ARSI: variants seen among roughly 807,000 people sequenced by gnomAD.
The protein encoded by ARSI is arylsulfatase I.
Under a neutral mutation model 42.1 loss-of-function variants are expected in ARSI, and 37 were observed. That is an observed-to-expected ratio of 0.88 (90% CI 0.68 to 1.16). The LOEUF is 1.16. Among genes scored for constraint, ARSI ranks in the 50% most tolerant of loss-of-function variants. The pLI, the probability that ARSI is intolerant of heterozygous loss-of-function variation, is 0.00. For missense variants in ARSI, 725 were observed against 790.1 expected, an observed-to-expected ratio of 0.92 and a Z score of 0.99; for synonymous variants, 305 against 320.3, an observed-to-expected ratio of 0.95 and a Z score of 0.51.
intron 1 of ARSI, among the ~76,000 whole-genome samples, chr5:150,301,291 G>A (rs1757915201): frequency 1.3e-5 from 2 of 152,164 alleles, no homozygotes; most frequent in Non-Finnish European, 2.9e-5. Context: ...TTTCTCCTAA[G>A]TGGCCAGAGT....
In ARSI at chr5:150,297,475, A is replaced by G. The variant is rs750973898; in HGVS notation, c.1449T>C (p.Asp483=). ...GGCGAGCCAGCAGGGTGCGGACCACATCAGGCCGCTGGCCAGCCAGGTCCT... is the reference window on the plus strand; with the variant it reads ...GGCGAGCCAGCAGGGTGCGGACCACGTCAGGCCGCTGGCCAGCCAGGTCCT... The part of the protein sequence containing the change: ...EREDLAGQRP[D]VVRTLLARLA... The change falls in exon 2 of 2, where the codon GAT becomes GAC. Residue 483 remains aspartate (D), a synonymous_variant. Coordinates refer to ENST00000328668, the MANE Select transcript of ARSI (RefSeq NM_001012301.4). The surrounding 1 kb of genome is among the most constrained non-coding windows in gnomAD (Gnocchi z 7.0). 6.2e-7 allele frequency: 1 copy of G among 1,613,570 alleles called. No individual in the cohort carries two copies. Among genetic ancestry groups the G allele is most frequent in the South Asian group, 1.1e-5 (1 of 90,974 alleles).
chr5:150,301,573 C>T (rs1757920005), intron 1 of ARSI, among the ~76,000 whole-genome samples: 1 of 152,188 alleles, frequency 6.6e-6, no homozygotes, highest in South Asian at 2.1e-4. Context: ...AGTATGGGGA[C>T]CTGAATCCCT....
rs1562225606 is a variant in ARSI at position 150,298,625 on chromosome 5, A to AG, written c.312-14dup. ...GTGGATCTGGTACCTGGTGGGGAGG[A>AG]GGGGAAGGCACAGAAGGCACAGGTA... On this transcript the variant is annotated splice_polypyrimidine_tract_variant and intron_variant, in intron 1 of 1. Coordinates refer to ENST00000328668, the MANE Select transcript of ARSI (RefSeq NM_001012301.4). The AG allele has an allele frequency of 6.3e-7, 1 of 1,588,224 alleles. No homozygotes were observed. Among genetic ancestry groups the AG allele is most frequent in the Non-Finnish European group, 8.6e-7 (1 of 1,165,858 alleles).
rs561190958 is a variant in ARSI, at chr5:150,300,740, G to C, written c.311+1323C>G. Among the ~76,000 whole-genome samples the C allele has an allele frequency of 3.3e-5, 5 of 152,338 alleles. No individual in the cohort carries two copies. In the South Asian group the frequency reaches 1.0e-3, roughly 32 times the overall value. ...CTTCAGTTAGCTTCGCAGATCAGGG[G>C]ACTGGAGCACTGCCCTCCTGCTGTC... On this transcript the variant is annotated intron_variant, in intron 1 of 1. Coordinates refer to ENST00000328668, the MANE Select transcript of ARSI (RefSeq NM_001012301.4).
chr5:150,297,626 T>C lies in ARSI; in HGVS notation c.1298A>G (p.Tyr433Cys), dbSNP rs1273336712. The C allele has an allele frequency of 3.7e-6, 6 of 1,611,810 alleles. No individual in the cohort carries two copies. Among genetic ancestry groups the C allele is most frequent in the South Asian group, 2.2e-5 (2 of 90,870 alleles). Residue 433 changes from tyrosine (Y) to cysteine (C), a missense_variant, in exon 2 of 2, where the codon TAT (tyrosine) becomes TGT (cysteine). Physicochemically the swap from Tyr to Cys is radical, Grantham distance 194 (BLOSUM62 -2). Coordinates refer to ENST00000328668, the MANE Select transcript of ARSI (RefSeq NM_001012301.4). This position sits in a 1 kb window ranked among gnomAD's most constrained non-coding sequence, Gnocchi z 7.0. ...EWKLLTGDPG[Y>C]GDWIPPQTLA... The stretch of plus-strand genomic sequence containing the variant: ...TGTCTGCGGTGGGATCCAATCGCCA[T>C]AGCCGGGGTCTCCTGTCAGCAGCTT...
Position 150,297,665 on chromosome 5 carries a change from C to T in ARSI, c.1259G>A (p.Arg420His), listed in dbSNP as rs147847092. 21 of 1,613,234 alleles carry T rather than the reference C, an allele frequency of 1.3e-5. No homozygotes were observed. In the African/African-American group the frequency reaches 1.6e-4, roughly 12 times the overall value. Reference protein sequence around the residue: ...IWNTAVQAAIRVGEWKLLTGD... With the variant: ...IWNTAVQAAIHVGEWKLLTGD... ...TGTCAGCAGCTTCCACTCACCCACGCGGATGGCAGCCTGCACGGCGGTGTT... is the reference window on the plus strand; with the variant it reads ...TGTCAGCAGCTTCCACTCACCCACGTGGATGGCAGCCTGCACGGCGGTGTT... Residue 420 changes from arginine to histidine, a missense_variant, in exon 2 of 2, where the codon CGC becomes CAC. Physicochemically the swap from Arg to His is conservative, Grantham distance 29 (BLOSUM62 0). Transcript: ENST00000328668. The surrounding 1 kb of genome is among the most constrained non-coding windows in gnomAD (Gnocchi z 7.0).
chr5:150,302,025 T>G lies in ARSI; in HGVS notation c.311+38A>C. 6.6e-7 allele frequency: 1 copy of G among 1,520,648 alleles called. No individual in the cohort carries two copies. The allele number at this position is 1,520,648 out of a possible 1,614,324, so 94.2% of individuals were successfully genotyped here. ...ATCTATCAACTGGGTTGATTTGGGG[T>G]TTAGATGCCCAGCCCCGGGGCCTTG... On this transcript the variant is annotated intron_variant, in intron 1 of 1. Transcript: ENST00000328668. The surrounding 1 kb of genome is among the most constrained non-coding windows in gnomAD (Gnocchi z 6.1).
rs1304108301 is a variant in ARSI at position 150,296,417 on chromosome 5, G to C, written c.*797C>G. ...GGCCAGTCTTCCAGAGCCTCATGAA[G>C]GAGGCAGAGCCAGGGCTGGCATCCC... is the stretch of plus-strand genomic sequence containing the variant. On this transcript the variant is annotated 3_prime_UTR_variant, in exon 2 of 2. Transcript: ENST00000328668. 6.6e-6 allele frequency: 1 copy of C among 152,348 alleles called. No individual in the cohort carries two copies. The highest frequency in any genetic ancestry group is 2.4e-5 in the African/African-American group (1 of 41,468). The allele number at this position is 152,348 out of a possible 1,614,324, so 9.4% of individuals were successfully genotyped here. A position where few individuals can be genotyped will look rare whatever the true frequency, so the allele number is the denominator to read the frequency against.
rs1381401913 is a variant in ARSI at position 150,297,943 on chromosome 5, G to A, written c.981C>T (p.Gly327=). ...TYWEGGVRGL[G]FVHSPLLKRK... ...GCTTGAGCAGGGGACTGTGGACAAAGCCTAGGCCCCGCACGCCACCTTCCC... is the reference window on the plus strand; with the variant it reads ...GCTTGAGCAGGGGACTGTGGACAAAACCTAGGCCCCGCACGCCACCTTCCC... The change falls in exon 2 of 2, where the codon GGC becomes GGT. Residue 327 remains glycine (G), a synonymous_variant. Transcript: ENST00000328668. The surrounding 1 kb of genome is among the most constrained non-coding windows in gnomAD (Gnocchi z 7.0). The A allele has an allele frequency of 1.2e-5, 20 of 1,610,932 alleles. No individual in the cohort carries two copies. Among genetic ancestry groups the A allele is most frequent in the Non-Finnish European group, 1.6e-5 (19 of 1,178,520 alleles).
chr5:150,302,036 A>G lies in ARSI; in HGVS notation c.311+27T>C. On this transcript the variant is annotated intron_variant, in intron 1 of 1. Coordinates refer to ENST00000328668, the MANE Select transcript of ARSI (RefSeq NM_001012301.4). The surrounding 1 kb of genome is among the most constrained non-coding windows in gnomAD (Gnocchi z 6.1). ...GGGTTGATTTGGGGTTTAGATGCCC[A>G]GCCCCGGGGCCTTGAGCCACGCCTA... The G allele has an allele frequency of 1.3e-6, 2 of 1,539,274 alleles. No individual in the cohort carries two copies. Among genetic ancestry groups the G allele is most frequent in the Non-Finnish European group, 1.8e-6 (2 of 1,140,052 alleles).
chr5:150,297,756 G>A lies in ARSI; in HGVS notation c.1168C>T (p.His390Tyr). ...TGGTTGTAGAGTGGGTCAATGTTGT[G>A]CAGGATCTCCGTGCGTGGTGAGGCC... Reference protein sequence around the residue: ...GRASPRTEILHNIDPLYNHAQ... With the variant: ...GRASPRTEILYNIDPLYNHAQ... Residue 390 changes from histidine (H) to tyrosine (Y), a missense_variant, in exon 2 of 2, where the codon CAC (histidine) becomes TAC (tyrosine). Physicochemically the swap from His to Tyr is moderately conservative, Grantham distance 83. Coordinates refer to ENST00000328668, the MANE Select transcript of ARSI (RefSeq NM_001012301.4). The surrounding 1 kb of genome is among the most constrained non-coding windows in gnomAD (Gnocchi z 7.0). 6.2e-7 allele frequency: 1 copy of A among 1,610,676 alleles called. No homozygotes were observed. The highest frequency in any genetic ancestry group is 8.5e-7 in the Non-Finnish European group (1 of 1,178,370).
chr5:150,302,467 G>T lies in ARSI; in HGVS notation c.-94C>A. The T allele has an allele frequency of 1.0e-6, 1 of 970,412 alleles. No individual in the cohort carries two copies. Among genetic ancestry groups the T allele is most frequent in the Non-Finnish European group, 1.4e-6 (1 of 719,356 alleles). The allele number at this position is 970,412 out of a possible 1,614,324, so 60.1% of individuals were successfully genotyped here. A position where few individuals can be genotyped will look rare whatever the true frequency, so the allele number is the denominator to read the frequency against. On this transcript the variant is annotated 5_prime_UTR_variant, in exon 1 of 2. Coordinates refer to ENST00000328668, the MANE Select transcript of ARSI (RefSeq NM_001012301.4). This position sits in a 1 kb window ranked among gnomAD's most constrained non-coding sequence, Gnocchi z 6.1. ...GCACCACCGGCCCGCCGGCTCGGAT[G>T]CTGCGAGGGAGTTCAGCGCCCCCCG... is the stretch of plus-strand genomic sequence containing the variant.
rs768133764 is a variant in ARSI at position 150,297,571 on chromosome 5, G to A, written c.1353C>T (p.Asn451=). Reference sequence around the variant, plus strand: ...GGCGGACACTGGCCATTCGTTCCAGGTTCCACCAGCTACCCGGGAAGGTGG... The same window carrying A: ...GGCGGACACTGGCCATTCGTTCCAGATTCCACCAGCTACCCGGGAAGGTGG... The part of the protein sequence containing the change: ...TLATFPGSWW[N]LERMASVRQA... Residue 451 remains asparagine (N), a synonymous_variant, in exon 2 of 2, where the codon AAC becomes AAT. Coordinates refer to ENST00000328668, the MANE Select transcript of ARSI (RefSeq NM_001012301.4). This position sits in a 1 kb window ranked among gnomAD's most constrained non-coding sequence, Gnocchi z 7.0. 72 of 1,611,294 alleles carry A rather than the reference G, an allele frequency of 4.5e-5. No individual in the cohort carries two copies. The highest frequency in any genetic ancestry group is 4.8e-5 in the Non-Finnish European group (57 of 1,179,070).
rs747192346 is a variant in ARSI, at chr5:150,302,282, C to A, written c.92G>T (p.Gly31Val). 10 of 1,605,608 alleles carry A rather than the reference C, an allele frequency of 6.2e-6. No individual in the cohort carries two copies. Among genetic ancestry groups the A allele is most frequent in the Non-Finnish European group, 8.5e-6 (10 of 1,177,068 alleles). Residue 31 changes from glycine (G) to valine (V), a missense_variant, in exon 1 of 2, where the codon GGG becomes GTG. Physicochemically the swap from Gly to Val is moderately radical, Grantham distance 109. Coordinates refer to ENST00000328668, the MANE Select transcript of ARSI (RefSeq NM_001012301.4). The surrounding 1 kb of genome is among the most constrained non-coding windows in gnomAD (Gnocchi z 6.1). Reference protein sequence around the residue: ...DWAKPSFVADGPGEAGEQPSA... With the variant: ...DWAKPSFVADVPGEAGEQPSA... Reference sequence around the variant, plus strand: ...GGGCTGCTCGCCAGCCTCCCCGGGCCCGTCGGCCACGAAGCTCGGCTTGGC... The same window carrying A: ...GGGCTGCTCGCCAGCCTCCCCGGGCACGTCGGCCACGAAGCTCGGCTTGGC...
chr5:150,300,492 G>A (rs150572176), intron 1 of ARSI, among the ~76,000 whole-genome samples: 71 of 152,290 alleles, frequency 4.7e-4, no homozygotes, highest in Middle Eastern at 3.4e-3. Context: ...CAACTGGGCC[G>A]GTCTTCATAG....
Position 150,302,515 on chromosome 5 carries a change from G to A in ARSI, c.-142C>T, listed in dbSNP as rs1184813905. 2 of 579,288 alleles carry A rather than the reference G, an allele frequency of 3.5e-6. No homozygotes were observed. Among genetic ancestry groups the A allele is most frequent in the Non-Finnish European group, 5.2e-6 (2 of 383,492 alleles). 35.9% of individuals were successfully genotyped at this position (579,288 alleles called of 1,614,324 possible). On this transcript the variant is annotated 5_prime_UTR_variant, in exon 1 of 2. Transcript: ENST00000328668. The surrounding 1 kb of genome is among the most constrained non-coding windows in gnomAD (Gnocchi z 6.1). ...CCGGGGACGGTCCAGTGTCTGGTCC[G>A]GGACTGGCTGCCGGACGGCTGGGCC...
At position 150,298,615 on chromosome 5, in the gene ARSI, G is replaced by A. The variant is rs774526949; in HGVS notation, c.312-3C>T. The A allele has an allele frequency of 6.3e-7, 1 of 1,598,116 alleles. No individual in the cohort carries two copies. Among genetic ancestry groups the A allele is most frequent in the South Asian group, 1.1e-5 (1 of 88,910 alleles). ...GGAGTCCTGTGTGGATCTGGTACCT[G>A]GTGGGGAGGAGGGGAAGGCACAGAA... is the stretch of plus-strand genomic sequence containing the variant. On this transcript the variant is annotated splice_region_variant and splice_polypyrimidine_tract_variant and intron_variant, in intron 1 of 1. Transcript: ENST00000328668.
Position 150,298,051 on chromosome 5 carries a change from G to T in ARSI, c.873C>A (p.Val291=), listed in dbSNP as rs147391838. ...CACCATTGTCACTGGAGAAGATGAT[G>T]ACACTGTTGTTGTAGAAACCGTAGC... ...LKRYGFYNNS[V]IIFSSDNGGQ... is the part of the protein sequence containing the mutation. The change falls in exon 2 of 2, where the codon GTC becomes GTA. Residue 291 remains valine, a synonymous_variant. Coordinates refer to ENST00000328668, the MANE Select transcript of ARSI (RefSeq NM_001012301.4). 1 of 1,612,874 alleles carries T rather than the reference G, an allele frequency of 6.2e-7. No individual in the cohort carries two copies. The highest frequency in any genetic ancestry group is 1.1e-5 in the South Asian group (1 of 91,074).
intron 1 of ARSI, among the ~76,000 whole-genome samples, chr5:150,300,676 C>T (rs1362741755): frequency 6.6e-6 from 1 of 152,182 alleles, no homozygotes; most frequent in Non-Finnish European, 1.5e-5. Flanking sequence ...GAGATGGAGC[C>T]AGCTGCAGGG....
Sources: gnomAD v4.1 joint callset for allele counts (sites outside exome capture counted in the v4.1 genomes callset) on GRCh38, gnomAD v4.1.1 for gene constraint, Gnocchi (gnomAD v3.1) non-coding constraint, MANE v1.5 for transcripts, NCBI Gene and HGNC (gene_info 2026-07-23, HGNC 2026-07-21) for gene names.